EYS: variants seen among roughly 807,000 people sequenced by gnomAD.
EYS encodes protein eyes shut homolog.
In EYS, 250 loss-of-function variants were observed where a neutral mutation model predicts 282.1. The observed-to-expected ratio is 0.89, with a 90% confidence interval of 0.80 to 0.98. EYS has a LOEUF of 0.98. EYS is among the 50% of genes least tolerant of loss of function. EYS has a pLI of 0.00. For missense variants in EYS, 4,016 were observed against 3,709.0 expected (o/e 1.08, Z -2.15); for synonymous variants, 1,355 against 1,282.9 (o/e 1.06, Z -1.20).
At chr6:64,674,729 AAC>A (rs70999158) in intron 22 of EYS, among the ~76,000 whole-genome samples, 135 of 148,178 alleles carry the variant, frequency 9.1e-4, no homozygotes, top group East Asian at 4.0e-3. Context: ...TTCTGTCATT[AAC>A]ACACACACAC....
intron 2 of EYS, among the ~76,000 whole-genome samples, chr6:65,528,216 C>A (rs1008222148): frequency 6.6e-6 from 1 of 152,168 alleles, no homozygotes; most frequent in Non-Finnish European, 1.5e-5. Flanking sequence ...CTCACAAACT[C>A]AGTCTCTGTT....
chr6:63,820,990 T>C (rs1771308101), intron 36 of EYS, among the ~76,000 whole-genome samples: 1 of 152,158 alleles, frequency 6.6e-6, no homozygotes, highest in Admixed American at 6.5e-5. Flanking sequence ...AAATTATGTA[T>C]TAAAATAGCA....
At chr6:64,506,067 T>C (rs534840571) in intron 26 of EYS, among the ~76,000 whole-genome samples, 2 of 152,182 alleles carry the variant, frequency 1.3e-5, no homozygotes, top group Non-Finnish European at 2.9e-5. Flanking sequence ...AAAATCTTAC[T>C]TCCTCATCTG....
intron 31 of EYS, among the ~76,000 whole-genome samples, chr6:64,123,757 G>C (rs936674966): frequency 6.6e-6 from 1 of 152,224 alleles, no homozygotes; most frequent in Non-Finnish European, 1.5e-5. Flanking sequence ...AACAAACAAC[G>C]AGATATAAAT....
intron 33 of EYS, among the ~76,000 whole-genome samples, chr6:64,019,112 ATGAT>A (rs1769050149): frequency 6.6e-6 from 1 of 152,208 alleles, no homozygotes; most frequent in Admixed American, 6.5e-5. Flanking sequence ...GAGAGAGTGA[ATGAT>A]TGGAGACTCA....
At chr6:64,726,316 G>A (rs529402538) in intron 22 of EYS, among the ~76,000 whole-genome samples, 3 of 152,152 alleles carry the variant, frequency 2.0e-5, no homozygotes, top group Middle Eastern at 3.4e-3. Flanking sequence ...AGATTCTGGA[G>A]GGCAAAGAAT....
intron 30 of EYS, among the ~76,000 whole-genome samples, chr6:64,250,045 A>C (rs1767156398): frequency 6.6e-6 from 1 of 152,228 alleles, no homozygotes; most frequent in Non-Finnish European, 1.5e-5. Flanking sequence ...TAACTGTGTG[A>C]ACAATACAAT....
intron 2 of EYS, among the ~76,000 whole-genome samples, chr6:65,600,280 G>A (rs1649930621): frequency 6.6e-6 from 1 of 151,976 alleles, no homozygotes; most frequent in Admixed American, 6.6e-5. Context: ...TCCCTGACCT[G>A]TTGCATTGCT....
intron 30 of EYS, among the ~76,000 whole-genome samples, chr6:64,245,719 T>A (rs1036839527): frequency 6.6e-6 from 1 of 152,154 alleles, no homozygotes; most frequent in Non-Finnish European, 1.5e-5. Context: ...GAACTTTATC[T>A]GTGAGAAAAC....
intron 12 of EYS, among the ~76,000 whole-genome samples, chr6:65,205,001 G>T (rs1252973110): frequency 2.0e-5 from 2 of 101,838 alleles, no homozygotes; most frequent in Non-Finnish European, 4.1e-5. Context: ...ATATATTCTA[G>T]AAGAATATAT....
chr6:64,280,581 G>A (rs190051807), intron 30 of EYS, among the ~76,000 whole-genome samples: 228 of 152,142 alleles, frequency 1.5e-3, no homozygotes, highest in Admixed American at 4.5e-3. Flanking sequence ...GTACAACACC[G>A]TATAAAATAG....
intron 26 of EYS, among the ~76,000 whole-genome samples, chr6:64,460,927 A>G (rs1488347523): frequency 6.6e-6 from 1 of 152,234 alleles, no homozygotes; most frequent in Non-Finnish European, 1.5e-5. Flanking sequence ...TACAGAAAAA[A>G]AAAATTCATT....
chr6:63,799,296 G>C (rs1449592320), intron 37 of EYS, among the ~76,000 whole-genome samples: 1 of 151,756 alleles, frequency 6.6e-6, no homozygotes, highest in African/African-American at 2.4e-5. Flanking sequence ...TTACAGACAT[G>C]AGCCACCGTG....
intron 35 of EYS, among the ~76,000 whole-genome samples, chr6:63,955,736 A>G (rs1765788989): frequency 6.6e-6 from 1 of 152,168 alleles, no homozygotes; most frequent in East Asian, 1.9e-4. Context: ...AAACTCAAGG[A>G]TACAGCCCAA....
intron 35 of EYS, among the ~76,000 whole-genome samples, chr6:63,953,339 C>T (rs1334338367): frequency 6.6e-6 from 1 of 152,108 alleles, no homozygotes; most frequent in African/African-American, 2.4e-5. Context: ...AATATTTTGA[C>T]AACCTTCTAC....
At chr6:64,085,795 G>A (rs576766102) in intron 31 of EYS, among the ~76,000 whole-genome samples, 12 of 152,040 alleles carry the variant, frequency 7.9e-5, no homozygotes, top group Admixed American at 3.3e-4. Flanking sequence ...AAAAGTTACC[G>A]TTTGTTGGCC....
intron 26 of EYS, among the ~76,000 whole-genome samples, chr6:64,442,839 G>C (rs1774995823): frequency 7.5e-6 from 1 of 132,834 alleles, no homozygotes; most frequent in Admixed American, 7.6e-5. Context: ...TGGATGCCCA[G>C]GCAGGAGTTT....
intron 22 of EYS, among the ~76,000 whole-genome samples, chr6:64,641,489 T>C (rs552615814): frequency 5.9e-5 from 9 of 152,164 alleles, no homozygotes; most frequent in Non-Finnish European, 7.3e-5. Context: ...GAAGACCAAA[T>C]CAATGAATGG....
chr6:64,263,594 C>G (rs1386360352), intron 30 of EYS, among the ~76,000 whole-genome samples: 1 of 152,048 alleles, frequency 6.6e-6, no homozygotes, highest in Non-Finnish European at 1.5e-5. Flanking sequence ...TTCATGAAAG[C>G]CATATTGTCA....
Sources: allele counts gnomAD v4.1 joint callset (sites outside exome capture counted in the v4.1 genomes callset), GRCh38; gene constraint gnomAD v4.1.1; transcripts MANE v1.5; gene names NCBI Gene and HGNC (gene_info 2026-07-23, HGNC 2026-07-21).